The following SPMIP4 variants were observed in gnomAD, a reference collection of about 807,000 sequenced individuals.
SPMIP4 encodes sperm microtubule inner protein 4, also known as sperm-associated microtubule inner protein 4.
At chr7:25,164,574 C>A in the SPMIP4 span, among the ~76,000 whole-genome samples, 2 of 152,114 alleles carry the variant, frequency 1.3e-5, no homozygotes, top group East Asian at 3.8e-4. Flanking sequence ...CAGGTATTTG[C>A]TGAGGGCAAG....
At chr7:25,178,765 C>T in the SPMIP4 span, among the ~76,000 whole-genome samples, 1 of 151,976 alleles carries the variant, frequency 6.6e-6, no homozygotes, top group African/African-American at 2.4e-5. Context: ...CCCGGCCCGG[C>T]GCAGTGGTCA....
the SPMIP4 span, among the ~76,000 whole-genome samples, chr7:25,158,752 CA>C: frequency 6.7e-6 from 1 of 149,794 alleles, no homozygotes; most frequent in African/African-American, 2.5e-5. Context: ...ACCAAAAATA[CA>C]AAAAAAATTA....
chr7:25,150,691 TG>T, the SPMIP4 span, among the ~76,000 whole-genome samples: 1 of 152,214 alleles, frequency 6.6e-6, no homozygotes, highest in African/African-American at 2.4e-5. Flanking sequence ...TGTGGAGTTA[TG>T]GGACAGAGGT....
the SPMIP4 span, among the ~76,000 whole-genome samples, chr7:25,156,526 A>AAT: frequency 6.6e-6 from 1 of 152,176 alleles, no homozygotes; most frequent in Admixed American, 6.5e-5. Context: ...TAGCCTTTTG[A>AAT]ATAGGTCTTT....
the SPMIP4 span, among the ~76,000 whole-genome samples, chr7:25,166,714 C>T: frequency 6.7e-6 from 1 of 150,116 alleles, no homozygotes; most frequent in African/African-American, 2.5e-5. Context: ...TGGAGAAACC[C>T]CATGTTTTAG....
At chr7:25,165,048 T>C in the SPMIP4 span, among the ~76,000 whole-genome samples, 5 of 152,152 alleles carry the variant, frequency 3.3e-5, no homozygotes, top group African/African-American at 4.8e-5. Flanking sequence ...GCTGGTTCCG[T>C]ATTTTTGCAA....
chr7:25,145,153 G>A, the SPMIP4 span, among the ~76,000 whole-genome samples: 4 of 152,056 alleles, frequency 2.6e-5, no homozygotes, highest in Non-Finnish European at 4.4e-5. Flanking sequence ...AGTAGAGACC[G>A]GGTTTCACCA....
the SPMIP4 span, chr7:25,135,571 C>T: frequency 2.2e-6 from 2 of 929,764 alleles, no homozygotes; most frequent in African/African-American, 3.6e-5. Flanking sequence ...TATTAAGATA[C>T]TATAATTTGT....
chr7:25,162,198 G>A, the SPMIP4 span, among the ~76,000 whole-genome samples: 2 of 150,872 alleles, frequency 1.3e-5, no homozygotes, highest in Non-Finnish European at 1.5e-5. Context: ...TTGAACCTGG[G>A]AGGCAGAGGT....
chr7:25,173,914 T>C, the SPMIP4 span, among the ~76,000 whole-genome samples: 4 of 152,208 alleles, frequency 2.6e-5, no homozygotes, highest in African/African-American at 7.2e-5. The surrounding 1 kb of genome is among the most constrained non-coding windows in gnomAD (Gnocchi z 4.4). Context: ...TAAGTCATAT[T>C]TCCCTCTTAC....
the SPMIP4 span, among the ~76,000 whole-genome samples, chr7:25,166,184 C>T: frequency 6.6e-6 from 1 of 151,652 alleles, no homozygotes; most frequent in South Asian, 2.1e-4. Context: ...CTCTAGGCAT[C>T]CCACAGTTTT....
At chr7:25,157,323 A>C in the SPMIP4 span, among the ~76,000 whole-genome samples, 1 of 152,376 alleles carries the variant, frequency 6.6e-6, no homozygotes, top group East Asian at 1.9e-4. Context: ...GCTTTCAAGA[A>C]GGTGGAGTAT....
chr7:25,172,880 G>C, the SPMIP4 span, among the ~76,000 whole-genome samples: 4 of 151,886 alleles, frequency 2.6e-5, no homozygotes, highest in Non-Finnish European at 5.9e-5. This position sits in a 1 kb window ranked among gnomAD's most constrained non-coding sequence, Gnocchi z 4.2. Flanking sequence ...TGGAGCATGA[G>C]AGGAAAACAA....
chr7:25,141,070 A>G, the SPMIP4 span, among the ~76,000 whole-genome samples: 1 of 152,234 alleles, frequency 6.6e-6, no homozygotes, highest in Non-Finnish European at 1.5e-5. Flanking sequence ...CATCTCATTT[A>G]CATAATTAAA....
At chr7:25,170,984 T>C in the SPMIP4 span, among the ~76,000 whole-genome samples, 1 of 152,334 alleles carries the variant, frequency 6.6e-6, no homozygotes, top group Admixed American at 6.5e-5. Context: ...TTCTTAGAAA[T>C]GCAAATGCTC....
chr7:25,164,169 G>A, the SPMIP4 span, among the ~76,000 whole-genome samples: 5 of 152,116 alleles, frequency 3.3e-5, no homozygotes, highest in Non-Finnish European at 5.9e-5. Context: ...GGAGTGGTGC[G>A]TCTTACTGTT....
chr7:25,130,886 A>G, the SPMIP4 span, among the ~76,000 whole-genome samples: 7 of 152,340 alleles, frequency 4.6e-5, no homozygotes, highest in African/African-American at 1.7e-4. Context: ...TTTGACTTTC[A>G]TCATTTTTGC....
chr7:25,130,748 G>C, the SPMIP4 span, among the ~76,000 whole-genome samples: 1 of 152,196 alleles, frequency 6.6e-6, no homozygotes, highest in Non-Finnish European at 1.5e-5. Context: ...GGGAAGGAAG[G>C]AGCTATTATT....
the SPMIP4 span, among the ~76,000 whole-genome samples, chr7:25,150,126 G>A: frequency 1.8e-4 from 28 of 152,176 alleles, no homozygotes; most frequent in Admixed American, 8.5e-4. Context: ...ATCCTGAGGG[G>A]TCTCTGCACC....
Sources: gnomAD v4.1 joint callset for allele counts (sites outside exome capture counted in the v4.1 genomes callset) on GRCh38, gnomAD v4.1.1 for gene constraint, Gnocchi (gnomAD v3.1) non-coding constraint, MANE v1.5 for transcripts, NCBI Gene and HGNC (gene_info 2026-07-23, HGNC 2026-07-21) for gene names.